The following RFX7 variants were observed in gnomAD, a reference collection of about 807,000 sequenced individuals.
RFX7 encodes regulatory factor X7.
A neutral mutation model predicts 111.8 loss-of-function variants in RFX7; 26 were observed. The observed-to-expected ratio is 0.23, with a 90% CI of 0.17 to 0.32. The LOEUF is 0.32. Among genes scored for constraint, RFX7 ranks in the 10% least tolerant of loss-of-function variants. The pLI is 1.00. For synonymous variants in RFX7, 624 were observed against 624.4 expected, an observed-to-expected ratio of 1.00 and a Z score of 0.01; for missense variants, 1,573 against 1,772.9, an observed-to-expected ratio of 0.89 and a Z score of 2.02.
At chr15:56,176,578 C>G (rs568007244) in intron 3 of RFX7, among the ~76,000 whole-genome samples, 1 of 151,952 alleles carries the variant, frequency 6.6e-6, no homozygotes, top group African/African-American at 2.4e-5. Context: ...CTATTTCCAG[C>G]AAAACCATCT....
intron 2 of RFX7, among the ~76,000 whole-genome samples, chr15:56,201,346 T>A (rs2043191432): frequency 6.6e-6 from 1 of 152,028 alleles, no homozygotes; most frequent in African/African-American, 2.4e-5. Context: ...GCAAAACAAT[T>A]CGAAAACCAA....
chr15:56,154,733 T>G (rs2042626975), intron 3 of RFX7, among the ~76,000 whole-genome samples: 1 of 152,214 alleles, frequency 6.6e-6, no homozygotes, highest in Non-Finnish European at 1.5e-5. Flanking sequence ...AAAGACTTCA[T>G]GTCTAAAACA....
At chr15:56,215,011 A>C (rs544902348) in intron 2 of RFX7, among the ~76,000 whole-genome samples, 1 of 152,300 alleles carries the variant, frequency 6.6e-6, no homozygotes, top group South Asian at 2.1e-4. Flanking sequence ...ACAGTGTTTT[A>C]ACTACAACTT....
rs754860929 is a variant in RFX7, at chr15:56,096,043, G to T, written c.1685C>A (p.Pro562His). 6.2e-7 allele frequency: 1 copy of T among 1,613,164 alleles called. No homozygotes were observed. The highest frequency in any genetic ancestry group is 8.5e-7 in the Non-Finnish European group (1 of 1,179,548). Residue 562 changes from proline (P) to histidine (H), a missense_variant, in exon 10 of 10, where the codon CCC becomes CAC. By Grantham distance (77) the Pro-to-His change is moderately conservative. Around this residue, in one of 7 missense-constraint regions of RFX7, gnomAD observed 625 missense variants for 632.2 expected, o/e 0.99. Transcript: ENST00000559447. ...CCCCAAAAGGGCACTAGGTGTCTGG[G>T]GAGCTTTAGCCTCATCAGAGTTCTC... is the stretch of plus-strand genomic sequence containing the variant. ...CQENSDEAKA[P>H]QTPSALLGQK... is the part of the protein sequence containing the mutation.
chr15:56,127,249 CAA>C (rs1213294565), intron 5 of RFX7, among the ~76,000 whole-genome samples: 1 of 151,404 alleles, frequency 6.6e-6, no homozygotes, highest in African/African-American at 2.4e-5. Context: ...CGAAAAAACA[CAA>C]GAGAAATTAG....
At chr15:56,184,977 T>A (rs2043022868) in intron 2 of RFX7, among the ~76,000 whole-genome samples, 1 of 152,218 alleles carries the variant, frequency 6.6e-6, no homozygotes, top group Non-Finnish European at 1.5e-5. Context: ...TCGAGCTTTT[T>A]TGACATCTCA....
chr15:56,095,630 G>T lies in RFX7; in HGVS notation c.2098C>A (p.Pro700Thr). The change falls in exon 10 of 10, where the codon CCA becomes ACA. Residue 700 changes from proline to threonine, a missense_variant. Transcript: ENST00000559447. ...QGSVKKDQKV[P>T]HSGKTEGSTA... ...GAACCTTCTGTTTTCCCTGAATGTG[G>T]AACCTTTTGGTCCTTCTTAACACTG... 2 of 1,613,946 alleles carry T rather than the reference G, an allele frequency of 1.2e-6. No individual in the cohort carries two copies. Among genetic ancestry groups the T allele is most frequent in the Non-Finnish European group, 1.7e-6 (2 of 1,179,872 alleles).
At chr15:56,244,792 G>A (rs1234369145), upstream of RFX7, among the ~76,000 whole-genome samples, 5 of 147,124 alleles carry the variant, frequency 3.4e-5, no homozygotes, top group Admixed American at 2.0e-4. Flanking sequence ...TTGAACACCC[G>A]CCCTCCCCCC....
In RFX7 at chr15:56,098,171, A is replaced by G. The variant is rs1341281266; in HGVS notation, c.1017T>C (p.Asn339=). 6.2e-7 allele frequency: 1 copy of G among 1,613,764 alleles called. No individual in the cohort carries two copies. Among genetic ancestry groups the G allele is most frequent in the African/African-American group, 1.3e-5 (1 of 74,926 alleles). ...AAKKSESATS[N]GVTNLPNGNP... ...TTCCATTAGGAAGATTAGTCACTCC[A>G]TTGCTTGTAGCACTTTCTGACTTTT... Residue 339 remains asparagine (N), a synonymous_variant, in exon 9 of 10, where the codon AAT becomes AAC. Transcript: ENST00000559447.
intron 5 of RFX7, among the ~76,000 whole-genome samples, chr15:56,109,884 G>A (rs62044082): frequency 0.29 from 44,113 of 151,146 alleles, 7,910 homozygotes; most frequent in East Asian, 0.41. Flanking sequence ...GAGTGTCTCC[G>A]CCCGGCAGCC....
intron 6 of RFX7, 106 bp downstream of exon 6, chr15:56,103,448 T>C (rs1471741608): frequency 1.5e-6 from 1 of 664,188 alleles, no homozygotes; most frequent in African/African-American, 1.8e-5. Flanking sequence ...TTGCTTTAAT[T>C]TGAAGTTTAT....
chr15:56,098,411 AC>A, intron 8 of RFX7, 35 bp from the exon 9 acceptor site: 2 of 1,537,972 alleles, frequency 1.3e-6, no homozygotes, highest in Non-Finnish European at 8.8e-7. Flanking sequence ...TGCAATAAAT[AC>A]TCTCCTTTAT....
intron 2 of RFX7, among the ~76,000 whole-genome samples, chr15:56,215,862 C>T (rs1250694575): frequency 2.0e-5 from 3 of 152,118 alleles, no homozygotes; most frequent in Non-Finnish European, 4.4e-5. Context: ...AGGTTTCAGT[C>T]AGGATATCAG....
chr15:56,157,357 C>G (rs546368053), intron 3 of RFX7, among the ~76,000 whole-genome samples: 1 of 151,968 alleles, frequency 6.6e-6, no homozygotes, highest in East Asian at 1.9e-4. Context: ...CATGTGTGGG[C>G]CTTTAATTCC....
chr15:56,103,129 A>ATTTTT (rs11336124), intron 6 of RFX7, among the ~76,000 whole-genome samples: 54 of 94,440 alleles, frequency 5.7e-4, no homozygotes, highest in African/African-American at 7.0e-4. Context: ...GTTCCATAAG[A>ATTTTT]TTTTTTTTTT....
At chr15:56,189,807 C>CTAGTT (rs1345548213) in intron 2 of RFX7, 1 of 152,154 alleles carries the variant, frequency 6.6e-6, no homozygotes, top group Non-Finnish European at 1.5e-5. Flanking sequence ...CCACCTTGGA[C>CTAGTT]TAGTTTAGCA....
At position 56,132,152 on chromosome 15, in the gene RFX7, TA is replaced by T. The variant is rs1174062212; in HGVS notation, c.401+10625del. 5.6e-4 allele frequency among the ~76,000 whole-genome samples: 86 copies of T among 152,218 alleles called. 1 individual carries two copies. Among genetic ancestry groups the T allele is most frequent in the African/African-American group, 2.0e-3 (83 of 41,564 alleles). On this transcript the variant is annotated intron_variant, in intron 5 of 9. Transcript: ENST00000559447. ...ATTTCTAGTCTGTAGTTAATTTTTCTAAAATTTTCAGTTAATGTGTTTGAAT... is the reference window on the plus strand; with the variant it reads ...ATTTCTAGTCTGTAGTTAATTTTTCTAAATTTTCAGTTAATGTGTTTGAAT...
At chr15:56,108,172 T>C (rs1475481756) in intron 5 of RFX7, among the ~76,000 whole-genome samples, 5 of 152,136 alleles carry the variant, frequency 3.3e-5, no homozygotes, top group African/African-American at 4.8e-5. Context: ...TCCCAAATAA[T>C]TGAAAAGGAA....
intron 5 of RFX7, among the ~76,000 whole-genome samples, chr15:56,131,754 G>A (rs537330393): frequency 1.4e-4 from 22 of 152,242 alleles, no homozygotes; most frequent in African/African-American, 4.8e-4. Context: ...AGGAAATGAT[G>A]TCTATCACTG....
Sources: gnomAD v4.1 joint callset for allele counts (sites outside exome capture counted in the v4.1 genomes callset) on GRCh38, gnomAD v4.1.1 for gene constraint, gnomAD v4.1.1 regional missense constraint, MANE v1.5 for transcripts, NCBI Gene and HGNC (gene_info 2026-07-23, HGNC 2026-07-21) for gene names.